Variants in PLAAT3 observed in about 807,000 individuals in gnomAD.
The protein encoded by PLAAT3 is Ca-independent phospholipase A1/2.
A neutral mutation model predicts 16.7 loss-of-function variants in PLAAT3; 21 were observed. That is an observed-to-expected ratio of 1.26 (90% CI 0.89 to 1.81). The LOEUF (loss-of-function observed/expected upper bound fraction) is 1.81. PLAAT3 is among the 40% of genes most tolerant of loss of function. The pLI, the probability that PLAAT3 is intolerant of heterozygous loss-of-function variation, is 0.00. For synonymous variants in PLAAT3, 76 were observed against 81.7 expected (o/e 0.93, Z 0.38); for missense variants, 219 against 213.7 (o/e 1.02, Z -0.16).
At chr11:63,593,063 C>T (rs1938191335) in intron 3 of PLAAT3, among the ~76,000 whole-genome samples, 1 of 152,204 alleles carries the variant, frequency 6.6e-6, no homozygotes, top group Admixed American at 6.5e-5. Flanking sequence ...CTACCACACA[C>T]ACCTGCTCAG....
intron 4 of PLAAT3, among the ~76,000 whole-genome samples, chr11:63,585,214 G>A (rs1433106430): frequency 3.3e-5 from 5 of 152,108 alleles, no homozygotes; most frequent in Admixed American, 1.3e-4. Context: ...TAGTAGAAAC[G>A]GGGTTTCACC....
intron 2 of PLAAT3, among the ~76,000 whole-genome samples, chr11:63,603,835 A>G (rs773583646): frequency 3.9e-5 from 6 of 152,122 alleles, no homozygotes; most frequent in Non-Finnish European, 7.3e-5. Context: ...GTTGAAAGAC[A>G]TTATTATTCC....
At chr11:63,600,920 G>C (rs1261426142) in intron 2 of PLAAT3, among the ~76,000 whole-genome samples, 2 of 151,252 alleles carry the variant, frequency 1.3e-5, no homozygotes, top group East Asian at 3.9e-4. Context: ...TCTACATCCT[G>C]AATGTGGCAA....
chr11:63,587,445 T>C (rs1025695394), intron 4 of PLAAT3, among the ~76,000 whole-genome samples: 2 of 152,100 alleles, frequency 1.3e-5, no homozygotes, highest in Non-Finnish European at 2.9e-5. Context: ...AAAAATATTA[T>C]TTCTAACCTA....
chr11:63,613,661 A>AT (rs1312875309), intron 2 of PLAAT3, among the ~76,000 whole-genome samples: 2 of 106,972 alleles, frequency 1.9e-5, no homozygotes, highest in African/African-American at 6.3e-5. Flanking sequence ...CATAGCCCCC[A>AT]AGGCCTGTCC....
At position 63,575,019 on chromosome 11, in the gene PLAAT3, C is replaced by T. The variant is rs2017640462; in HGVS notation, c.415G>A (p.Val139Ile). 2 of 1,613,124 alleles carry T rather than the reference C, an allele frequency of 1.2e-6. No homozygotes were observed. Among genetic ancestry groups the T allele is most frequent in the Non-Finnish European group, 8.5e-7 (1 of 1,179,082 alleles). ...QVRDVIIAAS[V>I]AGMGLAAMSL... Reference sequence around the variant, plus strand: ...ATGGCTGCCAAGCCCATTCCTGCAACGCTTGCAGCGATGATGACATCTCTG... The same window carrying T: ...ATGGCTGCCAAGCCCATTCCTGCAATGCTTGCAGCGATGATGACATCTCTG... Residue 139 changes from valine to isoleucine, a missense_variant, in exon 5 of 5, where the codon GTT becomes ATT. Transcript: ENST00000415826.
intron 2 of PLAAT3, among the ~76,000 whole-genome samples, chr11:63,612,758 GC>G (rs1938724556): frequency 6.6e-6 from 1 of 151,376 alleles, no homozygotes; most frequent in African/African-American, 2.4e-5. Flanking sequence ...TTTTTTTCCT[GC>G]TTTTGCACTC....
chr11:63,595,072 C>T (rs1404311722), intron 3 of PLAAT3, among the ~76,000 whole-genome samples: 1 of 152,064 alleles, frequency 6.6e-6, no homozygotes, highest in African/African-American at 2.4e-5. Flanking sequence ...AGGCAGATCA[C>T]TTGAGGTCAG....
chr11:63,598,596 C>CAT (rs1938351150), intron 2 of PLAAT3: 1 of 443,276 alleles, frequency 2.3e-6, no homozygotes, highest in Non-Finnish European at 4.5e-6. Context: ...TGTGCAAAGA[C>CAT]ATATAACTCA....
chr11:63,602,887 G>A (rs1172450086), intron 2 of PLAAT3, among the ~76,000 whole-genome samples: 1 of 152,152 alleles, frequency 6.6e-6, no homozygotes, highest in Non-Finnish European at 1.5e-5. Context: ...GAGGTCAGGA[G>A]TTCGAGATCA....
chr11:63,585,677 T>C (rs1327435660), intron 4 of PLAAT3, among the ~76,000 whole-genome samples: 1 of 152,188 alleles, frequency 6.6e-6, no homozygotes, highest in African/African-American at 2.4e-5. Flanking sequence ...CTGGCTTCAT[T>C]TTCTGTGATG....
chr11:63,593,383 C>T (rs552102485), intron 3 of PLAAT3, among the ~76,000 whole-genome samples: 1 of 152,252 alleles, frequency 6.6e-6, no homozygotes, highest in Non-Finnish European at 1.5e-5. Context: ...GAAGGAACAG[C>T]AGGAATGAAG....
chr11:63,575,314 C>T (rs908483285), intron 4 of PLAAT3, among the ~76,000 whole-genome samples: 10 of 152,218 alleles, frequency 6.6e-5, no homozygotes, highest in Non-Finnish European at 4.4e-5. Flanking sequence ...GCATATAAAT[C>T]CTCAGAGCGT....
chr11:63,598,053 G>A lies in PLAAT3; in HGVS notation c.118+8C>T. 1 of 1,592,204 alleles carries A rather than the reference G, an allele frequency of 6.3e-7. No homozygotes were observed. The highest frequency in any genetic ancestry group is 1.3e-5 in the African/African-American group (1 of 74,576). ...GCCCATCACAGTGGAGGTCCCATGT[G>A]TTCTTACTTGGAGGGGCCAGATGAA... On this transcript the variant is annotated splice_region_variant and intron_variant, in intron 3 of 4. Coordinates refer to ENST00000415826, the MANE Select transcript of PLAAT3 (RefSeq NM_001128203.2).
intron 3 of PLAAT3, among the ~76,000 whole-genome samples, chr11:63,594,352 C>T (rs1193018247): frequency 4.6e-5 from 7 of 151,934 alleles, no homozygotes; most frequent in East Asian, 1.9e-4. Flanking sequence ...CATCTGAGCT[C>T]GATTTAGGGA....
intron 4 of PLAAT3, among the ~76,000 whole-genome samples, chr11:63,589,013 A>T (rs909376557): frequency 3.5e-5 from 5 of 143,458 alleles, no homozygotes; most frequent in African/African-American, 5.3e-5. Context: ...AGGATAATTT[A>T]AAAAAAAAAA....
At chr11:63,585,853 G>A (rs1169022696) in intron 4 of PLAAT3, among the ~76,000 whole-genome samples, 1 of 152,144 alleles carries the variant, frequency 6.6e-6, no homozygotes, top group Admixed American at 6.5e-5. Flanking sequence ...TTTACAAAAA[G>A]AATAATGGTA....
chr11:63,588,354 G>A (rs943124385), intron 4 of PLAAT3, among the ~76,000 whole-genome samples: 1 of 152,186 alleles, frequency 6.6e-6, no homozygotes, highest in East Asian at 1.9e-4. Context: ...ACAGGTGCGA[G>A]CCACTGTGCC....
chr11:63,576,325 A>G (rs1236666477), intron 4 of PLAAT3, among the ~76,000 whole-genome samples: 4 of 152,156 alleles, frequency 2.6e-5, no homozygotes, highest in Admixed American at 2.6e-4. Context: ...GCACAGTATG[A>G]AAGAGGTGAG....
Sources: gnomAD v4.1 joint callset for allele counts (sites outside exome capture counted in the v4.1 genomes callset) on GRCh38, gnomAD v4.1.1 for gene constraint, MANE v1.5 for transcripts, NCBI Gene and HGNC (gene_info 2026-07-23, HGNC 2026-07-21) for gene names.